Variants in NFATC1 observed in about 807,000 individuals in gnomAD.
NFATC1 encodes the protein nuclear factor of activated T-cells, cytoplasmic 1.
Under a neutral mutation model 76.0 loss-of-function variants are expected in NFATC1, and 22 were observed. The observed-to-expected ratio is 0.29, with a 90% confidence interval of 0.21 to 0.41. The LOEUF (loss-of-function observed/expected upper bound fraction) is 0.41. NFATC1 is among the 10% of genes least tolerant of loss of function. NFATC1 has a pLI of 1.00. For synonymous variants in NFATC1, 704 were observed against 613.1 expected (o/e 1.15, Z -2.19); for missense variants, 1,357 against 1,337.7 (o/e 1.01, Z -0.23).
rs566050603 is a variant in NFATC1 at position 79,456,530 on chromosome 18, C to T, written c.1903+4714C>T. On this transcript the variant is annotated intron_variant, in intron 6 of 9. Transcript: ENST00000427363. ...CGCTGGCCACCCTGCCCCTCTCCTCCTCCAGCTGCCCCTGCTCCTTGTTTT... is the reference window on the plus strand; with the variant it reads ...CGCTGGCCACCCTGCCCCTCTCCTCTTCCAGCTGCCCCTGCTCCTTGTTTT... Among the ~76,000 whole-genome samples, 9 of 152,378 alleles carry T rather than the reference C, an allele frequency of 5.9e-5. No homozygotes were observed. In the East Asian group the frequency reaches 1.3e-3, roughly 23 times the overall value.
chr18:79,425,069 CTCTCTCTG>C (rs2086261242), intron 2 of NFATC1, among the ~76,000 whole-genome samples: 1 of 150,548 alleles, frequency 6.6e-6, no homozygotes, highest in African/African-American at 2.5e-5. Flanking sequence ...CTCTCTGTTT[CTCTCTCTG>C]TCTCTCCATC....
intron 8 of NFATC1, among the ~76,000 whole-genome samples, chr18:79,484,429 C>T (rs73496374): frequency 2.8e-4 from 43 of 152,234 alleles, no homozygotes; most frequent in African/African-American, 1.0e-3. Context: ...TCCTGGTCAC[C>T]CACCCCCTCT....
intron 8 of NFATC1, among the ~76,000 whole-genome samples, chr18:79,475,729 C>T (rs1222948902): frequency 2.6e-5 from 4 of 152,198 alleles, no homozygotes; most frequent in African/African-American, 9.7e-5. Flanking sequence ...GAGACCTCCC[C>T]AAAAGTCAGA....
At chr18:79,430,328 T>A (rs1302764999) in intron 2 of NFATC1, among the ~76,000 whole-genome samples, 4 of 152,218 alleles carry the variant, frequency 2.6e-5, no homozygotes, top group Non-Finnish European at 4.4e-5. Context: ...CTCTTCTCTG[T>A]CTCTTAACTT....
chr18:79,419,744 T>G (rs1412884348), intron 2 of NFATC1, among the ~76,000 whole-genome samples: 1 of 152,214 alleles, frequency 6.6e-6, no homozygotes, highest in Admixed American at 6.5e-5. Flanking sequence ...GATTTGCTCC[T>G]GCGCCAACGT....
intron 9 of NFATC1, chr18:79,515,725 G>A (rs1176304129): frequency 6.6e-6 from 1 of 151,840 alleles, no homozygotes; most frequent in Non-Finnish European, 1.5e-5. Context: ...AGAGGGACAG[G>A]AGGAAGCGGG....
At chr18:79,514,307 G>T (rs912120453) in intron 9 of NFATC1, among the ~76,000 whole-genome samples, 2 of 151,956 alleles carry the variant, frequency 1.3e-5, no homozygotes, top group African/African-American at 4.8e-5. Flanking sequence ...AGGTGTGGTG[G>T]TGCACACCTG....
rs1236307368 is a variant in NFATC1 at position 79,465,530 on chromosome 18, C to T, written c.1960-1920C>T. Among the ~76,000 whole-genome samples the T allele has an allele frequency of 2.6e-5, 4 of 151,970 alleles. No homozygotes were observed. Among genetic ancestry groups the T allele is most frequent in the African/African-American group, 9.7e-5 (4 of 41,362 alleles). ...CATGTGGTCCCCGCCTCCACCCATC[C>T]AGCCTGTCCCACAGGGTCCCCGCCT... On this transcript the variant is annotated intron_variant, in intron 7 of 9. Transcript: ENST00000427363. This position sits in a 1 kb window ranked among gnomAD's most constrained non-coding sequence, Gnocchi z 4.2.
chr18:79,432,413 C>CGGGCCCTGGGTCTCTGCCCACACGGA (rs2086631952), intron 2 of NFATC1, among the ~76,000 whole-genome samples: 3 of 52,458 alleles, frequency 5.7e-5, no homozygotes, highest in East Asian at 1.3e-3. Flanking sequence ...GGCCACATAG[C>CGGGCCCTGGGTCTCTGCCCACACGGA]GGTGAGGACA....
intron 9 of NFATC1, among the ~76,000 whole-genome samples, chr18:79,491,610 C>T (rs1046677537): frequency 3.9e-5 from 6 of 152,200 alleles, no homozygotes; most frequent in Non-Finnish European, 7.4e-5. Flanking sequence ...GTGGGTATGG[C>T]AGGTGACAGA....
chr18:79,443,535 C>T (rs1424990303), intron 3 of NFATC1, among the ~76,000 whole-genome samples: 2 of 152,192 alleles, frequency 1.3e-5, no homozygotes, highest in Non-Finnish European at 1.5e-5. Flanking sequence ...GCTAGTTTCC[C>T]AGTCGGCGCC....
chr18:79,508,349 G>A (rs2090166262), intron 9 of NFATC1, among the ~76,000 whole-genome samples: 1 of 152,184 alleles, frequency 6.6e-6, no homozygotes, highest in Admixed American at 6.5e-5. Flanking sequence ...AGTTCGCTCG[G>A]CCTGACCAGC....
At chr18:79,467,932 C>T (rs2088600847) in intron 8 of NFATC1, 6 of 1,073,260 alleles carry the variant, frequency 5.6e-6, no homozygotes, top group Middle Eastern at 4.3e-4. Flanking sequence ...AAGCTGCTTA[C>T]GGTGAAAAGG....
chr18:79,501,358 A>G (rs2090009476), intron 9 of NFATC1, among the ~76,000 whole-genome samples: 1 of 152,200 alleles, frequency 6.6e-6, no homozygotes, highest in African/African-American at 2.4e-5. Flanking sequence ...CACAGAAAAA[A>G]AAACAGTGAT....
intron 2 of NFATC1, among the ~76,000 whole-genome samples, chr18:79,429,687 A>G (rs2086523423): frequency 6.6e-6 from 1 of 152,236 alleles, no homozygotes; most frequent in East Asian, 1.9e-4. Context: ...CCAGAGACAC[A>G]GATTTGTAGA....
intron 6 of NFATC1, among the ~76,000 whole-genome samples, chr18:79,455,548 C>G (rs992424768): frequency 1.2e-4 from 18 of 152,186 alleles, no homozygotes; most frequent in Non-Finnish European, 2.1e-4. Flanking sequence ...CCAGCCACCA[C>G]CCCAGGGGCC....
intron 3 of NFATC1, among the ~76,000 whole-genome samples, chr18:79,440,138 A>G (rs1008851937): frequency 6.6e-6 from 1 of 152,190 alleles, no homozygotes; most frequent in Non-Finnish European, 1.5e-5. Context: ...TACGAGGCGC[A>G]TGAGTGTCCC....
chr18:79,455,260 C>G (rs2087643802), intron 6 of NFATC1, among the ~76,000 whole-genome samples: 1 of 152,232 alleles, frequency 6.6e-6, no homozygotes, highest in Admixed American at 6.5e-5. Context: ...GGTGAAGACT[C>G]CCACTCCGTT....
intron 3 of NFATC1, among the ~76,000 whole-genome samples, chr18:79,440,846 C>T (rs145962202): frequency 2.6e-5 from 4 of 151,936 alleles, no homozygotes; most frequent in East Asian, 2.0e-4. Context: ...CTGGGCGGGA[C>T]GGCTGCTTGC....
Sources: allele counts gnomAD v4.1 joint callset (sites outside exome capture counted in the v4.1 genomes callset), GRCh38; gene constraint gnomAD v4.1.1; non-coding constraint Gnocchi (gnomAD v3.1); transcripts MANE v1.5; gene names NCBI Gene and HGNC (gene_info 2026-07-23, HGNC 2026-07-21).